ARHGAP24: variants seen among roughly 807,000 people sequenced by gnomAD.
ARHGAP24 encodes the protein rho GTPase-activating protein 24.
Under a neutral mutation model 76.4 loss-of-function variants are expected in ARHGAP24, and 50 were observed. The ratio of observed to expected loss-of-function variants is 0.65; its 90% CI spans 0.52 to 0.83. The LOEUF (loss-of-function observed/expected upper bound fraction) is 0.83, where lower values mean the gene tolerates loss of function less well. Among genes scored for constraint, ARHGAP24 ranks in the 40% least tolerant of loss-of-function variants. The pLI, the probability that ARHGAP24 is intolerant of heterozygous loss-of-function variation, is 0.00. For missense variants in ARHGAP24, 930 were observed against 914.2 expected, an observed-to-expected ratio of 1.02 and a Z score of -0.22; for synonymous variants, 345 against 323.3, an observed-to-expected ratio of 1.07 and a Z score of -0.72.
At chr4:85,579,068 A>G (rs926974454) in intron 2 of ARHGAP24, among the ~76,000 whole-genome samples, 1 of 152,044 alleles carries the variant, frequency 6.6e-6, no homozygotes, top group Admixed American at 6.5e-5. Context: ...TTCAGAGTTT[A>G]TCAAAATGGT....
intron 5 of ARHGAP24, among the ~76,000 whole-genome samples, chr4:85,969,870 G>A (rs346468): frequency 0.74 from 112,353 of 152,096 alleles, 42,695 homozygotes; most frequent in East Asian, 0.99. Flanking sequence ...GATGACCTGG[G>A]AACACGATTT....
intron 3 of ARHGAP24, among the ~76,000 whole-genome samples, chr4:85,806,312 C>G (rs1728790682): frequency 6.6e-6 from 1 of 152,162 alleles, no homozygotes; most frequent in African/African-American, 2.4e-5. Context: ...AGGACTCTAT[C>G]ACAAGCTTCT....
At chr4:85,561,145 A>G (rs1289283523) in intron 1 of ARHGAP24, among the ~76,000 whole-genome samples, 2 of 152,216 alleles carry the variant, frequency 1.3e-5, no homozygotes, top group African/African-American at 4.8e-5. Context: ...GATAAGGGTC[A>G]TGTCCAGGAT....
chr4:85,799,051 A>T (rs923444724), intron 3 of ARHGAP24, among the ~76,000 whole-genome samples: 6 of 152,212 alleles, frequency 3.9e-5, no homozygotes, highest in Non-Finnish European at 7.4e-5. Flanking sequence ...ACATGGAATA[A>T]TTTTTTAAAA....
chr4:85,747,394 A>G (rs536921969), intron 3 of ARHGAP24, among the ~76,000 whole-genome samples: 1 of 152,324 alleles, frequency 6.6e-6, no homozygotes, highest in East Asian at 1.9e-4. Flanking sequence ...ACCGCCTACA[A>G]TATGGCATTA....
chr4:85,524,832 A>G (rs1039965018), intron 1 of ARHGAP24, among the ~76,000 whole-genome samples: 6 of 152,160 alleles, frequency 3.9e-5, no homozygotes, highest in African/African-American at 1.4e-4. Context: ...CAGTGTGCAA[A>G]TTCTCAGGCT....
intron 1 of ARHGAP24, among the ~76,000 whole-genome samples, chr4:85,499,468 C>T (rs1239310192): frequency 2.6e-5 from 4 of 152,210 alleles, no homozygotes; most frequent in Admixed American, 6.5e-5. Flanking sequence ...ATCACCACTT[C>T]GTTTCCTGTT....
chr4:85,533,816 T>C (rs1481777), intron 1 of ARHGAP24, among the ~76,000 whole-genome samples: 15,676 of 152,080 alleles, frequency 0.1, 2,677 homozygotes, highest in African/African-American at 0.35. Flanking sequence ...AAGATCCCAC[T>C]AAACATACTA....
At chr4:85,683,862 T>C (rs1244163314) in intron 2 of ARHGAP24, among the ~76,000 whole-genome samples, 2 of 152,224 alleles carry the variant, frequency 1.3e-5, no homozygotes, top group Non-Finnish European at 2.9e-5. Context: ...AATATTGTCC[T>C]CTGTGACTGG....
At chr4:85,812,043 G>T (rs1426469193) in intron 3 of ARHGAP24, among the ~76,000 whole-genome samples, 1 of 152,074 alleles carries the variant, frequency 6.6e-6, no homozygotes, top group Non-Finnish European at 1.5e-5. Context: ...AGGCATGGTG[G>T]TGCACACCTG....
At chr4:85,859,866 C>G (rs1731790778) in intron 3 of ARHGAP24, among the ~76,000 whole-genome samples, 1 of 151,984 alleles carries the variant, frequency 6.6e-6, no homozygotes, top group Non-Finnish European at 1.5e-5. Context: ...GTTTCAGTCT[C>G]CAGGGTAGTG....
chr4:86,000,592 G>T lies in ARHGAP24; in HGVS notation c.2117G>T (p.Arg706Leu). The change falls in exon 10 of 10, where the codon CGA becomes CTA. Residue 706 changes from arginine (R) to leucine (L), a missense_variant. By Grantham distance (102) the Arg-to-Leu change is moderately radical. Coordinates refer to ENST00000395184, the MANE Select transcript of ARHGAP24 (RefSeq NM_001025616.3). ...MIEIKMRNAE[R>L]AKEDAEKRND... is the part of the protein sequence containing the mutation. ...GAAATAAAAATGCGAAATGCCGAGC[G>T]AGCAAAAGAAGATGCCGAGAAAAGA... 1 of 1,613,834 alleles carries T rather than the reference G, an allele frequency of 6.2e-7. No homozygotes were observed. Among genetic ancestry groups the T allele is most frequent in the Non-Finnish European group, 8.5e-7 (1 of 1,179,930 alleles).
At chr4:85,517,410 T>C (rs769247906) in intron 1 of ARHGAP24, among the ~76,000 whole-genome samples, 1 of 152,164 alleles carries the variant, frequency 6.6e-6, no homozygotes, top group Non-Finnish European at 1.5e-5. Flanking sequence ...CTAAATTGTT[T>C]TAAAACATGG....
intron 3 of ARHGAP24, among the ~76,000 whole-genome samples, chr4:85,722,786 G>T (rs1013825907): frequency 6.6e-6 from 1 of 152,168 alleles, no homozygotes; most frequent in Non-Finnish European, 1.5e-5. Flanking sequence ...ATATTGATTT[G>T]ATCACAGTCT....
intron 4 of ARHGAP24, among the ~76,000 whole-genome samples, chr4:85,939,471 A>G (rs1210407053): frequency 6.6e-6 from 1 of 152,180 alleles, no homozygotes; most frequent in Non-Finnish European, 1.5e-5. Flanking sequence ...CCAATTTTCC[A>G]TGTATAAAAG....
At chr4:85,744,987 C>A (rs1253324369) in intron 3 of ARHGAP24, among the ~76,000 whole-genome samples, 1 of 152,096 alleles carries the variant, frequency 6.6e-6, no homozygotes, top group Non-Finnish European at 1.5e-5. Flanking sequence ...CAGAAGCCTT[C>A]TTTAATCCAG....
chr4:85,661,303 C>A (rs1722377490), intron 2 of ARHGAP24, among the ~76,000 whole-genome samples: 1 of 152,068 alleles, frequency 6.6e-6, no homozygotes, highest in African/African-American at 2.4e-5. Context: ...ATAGAAGGAG[C>A]AGGACAACCC....
chr4:85,783,955 T>G (rs887467116), intron 3 of ARHGAP24, among the ~76,000 whole-genome samples: 1 of 152,148 alleles, frequency 6.6e-6, no homozygotes, highest in Non-Finnish European at 1.5e-5. Flanking sequence ...CTCTTCTACA[T>G]GAAACAAACA....
At chr4:85,541,464 T>C (rs1022229102) in intron 1 of ARHGAP24, among the ~76,000 whole-genome samples, 4 of 152,174 alleles carry the variant, frequency 2.6e-5, no homozygotes, top group Admixed American at 6.5e-5. Flanking sequence ...ATCCATGACC[T>C]TTAATAACTT....
Sources: allele counts gnomAD v4.1 joint callset (sites outside exome capture counted in the v4.1 genomes callset), GRCh38; gene constraint gnomAD v4.1.1; transcripts MANE v1.5; gene names NCBI Gene and HGNC (gene_info 2026-07-23, HGNC 2026-07-21).